The following FAT4 variants were observed in gnomAD, a reference collection of about 807,000 sequenced individuals.
The protein encoded by FAT4 is protocadherin Fat 4.
In FAT4, 84 loss-of-function variants were observed where a neutral mutation model predicts 303.9. The observed-to-expected ratio is 0.28, with a 90% CI of 0.23 to 0.33. The LOEUF is 0.33. Ranked by LOEUF, FAT4 falls within the 10% of genes least tolerant of loss-of-function variation. The pLI, the probability that FAT4 is intolerant of heterozygous loss-of-function variation, is 1.00. For missense variants in FAT4, 6,005 were observed against 6,146.8 expected (o/e 0.98, Z 0.77); for synonymous variants, 2,307 against 2,298.8 (o/e 1.00, Z -0.10).
chr4:125,382,809 C>T (rs1185273638), intron 2 of FAT4, among the ~76,000 whole-genome samples: 2 of 152,194 alleles, frequency 1.3e-5, no homozygotes, highest in Non-Finnish European at 2.9e-5. Context: ...CCACCTTTAT[C>T]AATTATCTTT....
intron 2 of FAT4, among the ~76,000 whole-genome samples, chr4:125,366,260 C>T (rs2125988480): frequency 6.6e-6 from 1 of 152,262 alleles, no homozygotes; most frequent in Non-Finnish European, 1.5e-5. Context: ...CCATCCTCTG[C>T]CCTCTAATAG....
chr4:125,385,839 T>G (rs1733728447), intron 2 of FAT4, among the ~76,000 whole-genome samples: 1 of 152,214 alleles, frequency 6.6e-6, no homozygotes, highest in Non-Finnish European at 1.5e-5. Flanking sequence ...AAAATTCAGC[T>G]TTTCGTCCAG....
intron 2 of FAT4, among the ~76,000 whole-genome samples, chr4:125,385,517 A>G (rs62322573): frequency 3.3e-5 from 5 of 152,200 alleles, no homozygotes; most frequent in Non-Finnish European, 5.9e-5. Context: ...TCCATAGAAC[A>G]TACCTTTATT....
chr4:125,351,991 T>C (rs1732243205), intron 2 of FAT4, among the ~76,000 whole-genome samples: 1 of 151,738 alleles, frequency 6.6e-6, no homozygotes, highest in Admixed American at 6.6e-5. Context: ...TGAAGCATTT[T>C]ATAGTGGAAT....
chr4:125,490,270 G>T lies in FAT4; in HGVS notation c.13454G>T (p.Ser4485Ile), dbSNP rs867612089. 1.9e-6 allele frequency: 3 copies of T among 1,614,126 alleles called. No homozygotes were observed. The Middle Eastern group carries it at 4.9e-4, about 266-fold the overall frequency. Residue 4485 changes from serine (S) to isoleucine (I), a missense_variant, in exon 18 of 18, where the codon AGT becomes ATT. Transcript: ENST00000394329. The stretch of plus-strand genomic sequence containing the variant: ...CAGGGGAAGGTGTGCAAAGCTGGAA[G>T]TCCTGCGGGGCATGTCTGTGTTCTG... ...CPQGKVCKAGSPAGHVCVLSQ... is the reference protein window; with the variant it reads ...CPQGKVCKAGIPAGHVCVLSQ...
chr4:125,348,489 A>C (rs1454098792), intron 2 of FAT4, among the ~76,000 whole-genome samples: 1 of 151,722 alleles, frequency 6.6e-6, no homozygotes, highest in Non-Finnish European at 1.5e-5. Flanking sequence ...AGCAATCAAT[A>C]ATTAATGCTA....
In FAT4 at chr4:125,359,167, C is replaced by A. The variant is rs1269816025; in HGVS notation, c.5175+37581C>A. 3.9e-5 allele frequency among the ~76,000 whole-genome samples: 6 copies of A among 152,054 alleles called. No individual in the cohort carries two copies. In the East Asian group the frequency reaches 1.2e-3, roughly 29 times the overall value. Reference sequence around the variant, plus strand: ...TCACATAGTAGCACATTTAATGCCCCCAATTATTCTATGATATAGATACTA... The same window carrying A: ...TCACATAGTAGCACATTTAATGCCCACAATTATTCTATGATATAGATACTA... On this transcript the variant is annotated intron_variant, in intron 2 of 17. Coordinates refer to ENST00000394329, the MANE Select transcript of FAT4 (RefSeq NM_001291303.3).
chr4:125,431,600 G>A (rs1358474599), intron 7 of FAT4, among the ~76,000 whole-genome samples: 3 of 152,130 alleles, frequency 2.0e-5, no homozygotes, highest in Non-Finnish European at 2.9e-5. Context: ...TTATGTGCTA[G>A]GTAGTGTCCT....
At chr4:125,391,102 G>A (rs1733958527) in intron 2 of FAT4, among the ~76,000 whole-genome samples, 2 of 152,242 alleles carry the variant, frequency 1.3e-5, no homozygotes, top group South Asian at 4.2e-4. Context: ...CATTGTAGAA[G>A]ACAATGGCAA....
chr4:125,427,921 G>A (rs192057708), intron 7 of FAT4, among the ~76,000 whole-genome samples: 10 of 152,252 alleles, frequency 6.6e-5, no homozygotes, highest in East Asian at 1.9e-4. Context: ...AACTTCAATC[G>A]TTTAAACTCA....
chr4:125,475,086 G>A (rs978419313), intron 12 of FAT4, among the ~76,000 whole-genome samples: 1 of 152,020 alleles, frequency 6.6e-6, no homozygotes, highest in Non-Finnish European at 1.5e-5. Flanking sequence ...GTCTGCATTG[G>A]GAGAAACCTT....
intron 3 of FAT4, among the ~76,000 whole-genome samples, chr4:125,402,596 G>T (rs1051302063): frequency 6.6e-6 from 1 of 151,950 alleles, no homozygotes; most frequent in Admixed American, 6.6e-5. Context: ...CTGGCCTGAA[G>T]AATGCAGTAC....
intron 2 of FAT4, among the ~76,000 whole-genome samples, chr4:125,343,497 A>G (rs866810863): frequency 3.9e-5 from 6 of 152,160 alleles, no homozygotes; most frequent in Non-Finnish European, 8.8e-5. Context: ...CTAAGAAGAA[A>G]AAAAAAATGA....
In FAT4 at chr4:125,407,129, G is replaced by A. The variant is rs572264034; in HGVS notation, c.5557G>A (p.Asp1853Asn). ...RPVYSFDIPE[D>N]TIPGSLVAAI... is the part of the protein sequence containing the mutation. ...CGTGTACTCTTTTGACATTCCTGAG[G>A]ACACAATCCCTGGTAGGTGATGGGT... Residue 1853 changes from aspartate (D) to asparagine (N), a missense_variant, in exon 4 of 18, where the codon GAC becomes AAC. Coordinates refer to ENST00000394329, the MANE Select transcript of FAT4 (RefSeq NM_001291303.3). 5.0e-6 allele frequency: 8 copies of A among 1,611,076 alleles called. No homozygotes were observed. The South Asian group carries it at 7.7e-5, about 15-fold the overall frequency.
chr4:125,335,309 TG>T (rs1239252630), intron 2 of FAT4, among the ~76,000 whole-genome samples: 5 of 152,124 alleles, frequency 3.3e-5, no homozygotes, highest in African/African-American at 1.2e-4. Context: ...AATCCATTTT[TG>T]TTGGAAAAAA....
intron 2 of FAT4, among the ~76,000 whole-genome samples, chr4:125,368,515 T>C (rs968069981): frequency 1.6e-5 from 2 of 127,074 alleles, no homozygotes; most frequent in East Asian, 2.2e-4. Context: ...GTATATATTA[T>C]ATATATGTAT....
chr4:125,441,874 T>G (rs931654811), intron 8 of FAT4, among the ~76,000 whole-genome samples: 2 of 152,194 alleles, frequency 1.3e-5, no homozygotes, highest in African/African-American at 2.4e-5. Flanking sequence ...GCCTTATAGG[T>G]TTGCTCAATT....
chr4:125,353,997 G>T (rs17009511), intron 2 of FAT4, among the ~76,000 whole-genome samples: 1 of 151,564 alleles, frequency 6.6e-6, no homozygotes, highest in Non-Finnish European at 1.5e-5. Context: ...GTTATTCAGC[G>T]AATCTTGCAA....
chr4:125,394,898 T>C (rs1734108440), intron 2 of FAT4, among the ~76,000 whole-genome samples: 1 of 152,190 alleles, frequency 6.6e-6, no homozygotes, highest in African/African-American at 2.4e-5. Flanking sequence ...TTAAAGTACA[T>C]CACCTATTTT....
Sources: gnomAD v4.1 joint callset for allele counts (sites outside exome capture counted in the v4.1 genomes callset) on GRCh38, gnomAD v4.1.1 for gene constraint, MANE v1.5 for transcripts, NCBI Gene and HGNC (gene_info 2026-07-23, HGNC 2026-07-21) for gene names.